Variants in HMCN2 observed in about 807,000 individuals in gnomAD.
HMCN2 encodes hemicentin 2, also known as hemicentin-2.
Under a neutral mutation model 377.5 loss-of-function variants are expected in HMCN2, and 325 were observed. That is an observed-to-expected ratio of 0.86 (90% CI 0.79 to 0.94). The LOEUF is 0.94. HMCN2 is among the 40% of genes least tolerant of loss of function. The probability of loss-of-function intolerance (pLI) is 0.00; values close to 1 mark genes in which losing one functional copy is unlikely to be tolerated. For missense variants in HMCN2, 4,543 were observed against 4,725.3 expected (o/e 0.96, Z 1.13); for synonymous variants, 2,007 against 2,046.8 (o/e 0.98, Z 0.53).
chr9:130,267,400 CAACA>C lies in HMCN2; in HGVS notation c.259+1281_259+1284del, dbSNP rs1247319928. ...CTCTGTCAAGGATAGCTTTATAAAG[CAACA>C]AACAAACAAACAAACAACCCCCCCA... On this transcript the variant is annotated intron_variant, in intron 1 of 97. Transcript: ENST00000683500. 8.1e-4 allele frequency among the ~76,000 whole-genome samples: 115 copies of C among 141,908 alleles called. 1 individual carries two copies. The highest frequency in any genetic ancestry group is 1.5e-3 in the Admixed American group (21 of 13,932). The allele number at this position is 141,908 out of a possible 152,430, so 93.1% of individuals were successfully genotyped here. A position where few individuals can be genotyped will look rare whatever the true frequency, so the allele number is the denominator to read the frequency against.
intron 4 of HMCN2, among the ~76,000 whole-genome samples, chr9:130,287,020 C>T (rs929152883): frequency 5.3e-5 from 8 of 152,292 alleles, no homozygotes; most frequent in South Asian, 4.2e-4. Flanking sequence ...TGATGAACAA[C>T]GCTCTCTCTG....
At chr9:130,266,865 G>A (rs1564730562) in intron 1 of HMCN2, among the ~76,000 whole-genome samples, 1 of 152,122 alleles carries the variant, frequency 6.6e-6, no homozygotes, top group Non-Finnish European at 1.5e-5. Flanking sequence ...GTCCCTGGGC[G>A]CTCCACTGTA....
chr9:130,293,769 A>G (rs1554930914), intron 4 of HMCN2, among the ~76,000 whole-genome samples: 1 of 152,184 alleles, frequency 6.6e-6, no homozygotes, highest in African/African-American at 2.4e-5. Flanking sequence ...CTCTGCCCCC[A>G]CAGAGATCCC....
chr9:130,428,284 C>T lies in HMCN2; in HGVS notation c.14066-74C>T. The T allele has an allele frequency of 2.1e-6, 3 of 1,453,432 alleles. No individual in the cohort carries two copies. The highest frequency in any genetic ancestry group is 2.7e-6 in the Non-Finnish European group (3 of 1,096,522). The allele number at this position is 1,453,432 out of a possible 1,614,324, so 90.0% of individuals were successfully genotyped here. A position where few individuals can be genotyped will look rare whatever the true frequency, so the allele number is the denominator to read the frequency against. ...TGCGGACGAAGCCTCTGTGGATAGGCCGGGCCAGGGTCAGGTGGCGAGGCA... is the reference window on the plus strand; with the variant it reads ...TGCGGACGAAGCCTCTGTGGATAGGTCGGGCCAGGGTCAGGTGGCGAGGCA... On this transcript the variant is annotated intron_variant, in intron 92 of 97. Transcript: ENST00000683500. The surrounding 1 kb of genome is among the most constrained non-coding windows in gnomAD (Gnocchi z 5.0).
chr9:130,393,092 G>T lies in HMCN2; in HGVS notation c.10137-120G>T, dbSNP rs1564848713. 3.7e-6 allele frequency: 2 copies of T among 547,824 alleles called. No homozygotes were observed. The highest frequency in any genetic ancestry group is 1.6e-4 in the South Asian group (2 of 12,514). 33.9% of individuals were successfully genotyped at this position (547,824 alleles called of 1,614,324 possible). ...GGCCAGCAAGCTCTTGGGAGACAAA[G>T]GTTGGAAAAGGGAGGAAGTCTTTCC... On this transcript the variant is annotated intron_variant, in intron 66 of 97. Coordinates refer to ENST00000683500, the MANE Select transcript of HMCN2 (RefSeq NM_001291815.2). This position sits in a 1 kb window ranked among gnomAD's most constrained non-coding sequence, Gnocchi z 5.2.
chr9:130,384,957 C>T lies in HMCN2; in HGVS notation c.9106+159C>T, dbSNP rs571380730. Among the ~76,000 whole-genome samples the T allele has an allele frequency of 1.4e-4, 21 of 152,196 alleles. No individual in the cohort carries two copies. The South Asian group carries it at 3.1e-3, about 23-fold the overall frequency. ...GCTCTGAGGAGGGGGAGCAGTGGGA[C>T]GGGCCCCAGGAGCCTGGCTGGGGAA... On this transcript the variant is annotated intron_variant, in intron 59 of 97. Coordinates refer to ENST00000683500, the MANE Select transcript of HMCN2 (RefSeq NM_001291815.2).
chr9:130,394,371 A>G lies in HMCN2; in HGVS notation c.10502-14A>G, dbSNP rs1268165372. 2 of 1,286,496 alleles carry G rather than the reference A, an allele frequency of 1.6e-6. No individual in the cohort carries two copies. The highest frequency in any genetic ancestry group is 2.0e-6 in the Non-Finnish European group (2 of 986,250). The allele number at this position is 1,286,496 out of a possible 1,614,324, so 79.7% of individuals were successfully genotyped here. ...GTGTGTCAATTGTGTGTTCCCCTCCATGGTGGCTTGCAGAGCCCCCTCACA... is the reference window on the plus strand; with the variant it reads ...GTGTGTCAATTGTGTGTTCCCCTCCGTGGTGGCTTGCAGAGCCCCCTCACA... On this transcript the variant is annotated splice_polypyrimidine_tract_variant and intron_variant, in intron 68 of 97. Coordinates refer to ENST00000683500, the MANE Select transcript of HMCN2 (RefSeq NM_001291815.2). The surrounding 1 kb of genome is among the most constrained non-coding windows in gnomAD (Gnocchi z 5.1).
In HMCN2 at chr9:130,405,174, T is replaced by A. The variant is rs2131730319; in HGVS notation, c.12339+115T>A. ...CCCTGGGAGCCTGGGGAAATCAGTGTCACCATCCCGGGTACAGACAGCCAG... is the reference window on the plus strand; with the variant it reads ...CCCTGGGAGCCTGGGGAAATCAGTGACACCATCCCGGGTACAGACAGCCAG... On this transcript the variant is annotated intron_variant, in intron 81 of 97. Transcript: ENST00000683500. 2.0e-5 allele frequency: 14 copies of A among 688,408 alleles called. No homozygotes were observed. In the South Asian group the frequency reaches 3.7e-4, roughly 18 times the overall value. The allele number at this position is 688,408 out of a possible 1,614,324, so 42.6% of individuals were successfully genotyped here.
intron 13 of HMCN2, among the ~76,000 whole-genome samples, 177 bp downstream of exon 13, chr9:130,307,115 C>T (rs1836913839): frequency 6.6e-6 from 1 of 152,158 alleles, no homozygotes; most frequent in South Asian, 2.1e-4. Flanking sequence ...CACACACAGG[C>T]CAATGGGATG....
intron 15 of HMCN2, among the ~76,000 whole-genome samples, chr9:130,310,546 T>C (rs1837188722): frequency 6.6e-6 from 1 of 152,096 alleles, no homozygotes; most frequent in African/African-American, 2.4e-5. Context: ...CCCTATTCTT[T>C]TGGTCCCACA....
At position 130,374,509 on chromosome 9, in the gene HMCN2, A is replaced by G. The variant is rs1841269541; in HGVS notation, c.7446A>G (p.Pro2482=). Reference sequence around the variant, plus strand: ...TCTCTGCTCTGCATACAGGCCACCCACAGCCCAAGCTCACATGGTTCAAAG... The same window carrying G: ...TCTCTGCTCTGCATACAGGCCACCCGCAGCCCAAGCTCACATGGTTCAAAG... The part of the protein sequence containing the change: ...AHLMCNVTGH[P]QPKLTWFKDG... The change falls in exon 49 of 98, where the codon CCA becomes CCG. Residue 2482 remains proline (P), a synonymous_variant. Transcript: ENST00000683500. The G allele has an allele frequency of 3.0e-6, 3 of 985,730 alleles. No homozygotes were observed. Among genetic ancestry groups the G allele is most frequent in the African/African-American group, 1.7e-5 (1 of 57,242 alleles). 61.1% of individuals were successfully genotyped at this position (985,730 alleles called of 1,614,324 possible). A position where few individuals can be genotyped will look rare whatever the true frequency, so the allele number is the denominator to read the frequency against.
In HMCN2 at chr9:130,360,600, C is replaced by T. The variant is rs1840325917; in HGVS notation, c.5946C>T (p.Val1982=). The T allele has an allele frequency of 7.8e-7, 1 of 1,287,322 alleles. No individual in the cohort carries two copies. Among genetic ancestry groups the T allele is most frequent in the Admixed American group, 2.4e-5 (1 of 41,200 alleles). 79.7% of individuals were successfully genotyped at this position (1,287,322 alleles called of 1,614,324 possible). A position where few individuals can be genotyped will look rare whatever the true frequency, so the allele number is the denominator to read the frequency against. ...CAGAGCTGCGGTATGGCCTACGGGT[C>T]AATGGTGAGCTTCCCTGGGCCTACA... ...GSTELRYGLR[V]NVPPRITLPP... is the part of the protein sequence containing the mutation. The change falls in exon 38 of 98, where the codon GTC becomes GTT. Residue 1982 remains valine (V), a synonymous_variant. Transcript: ENST00000683500. The surrounding 1 kb of genome is among the most constrained non-coding windows in gnomAD (Gnocchi z 4.7).
Position 130,424,994 on chromosome 9 carries a change from G to A in HMCN2, c.13520-15G>A, listed in dbSNP as rs1844243495. ...CTCCCGTGGTGACTCTGGGCTGGGT[G>A]GGGATGGTTTGCAGGGGAGCTGCTC... is the stretch of plus-strand genomic sequence containing the variant. On this transcript the variant is annotated splice_polypyrimidine_tract_variant and intron_variant, in intron 88 of 97. Transcript: ENST00000683500. 6.5e-7 allele frequency: 1 copy of A among 1,537,518 alleles called. No homozygotes were observed. Among genetic ancestry groups the A allele is most frequent in the Admixed American group, 2.0e-5 (1 of 50,132 alleles).
intron 54 of HMCN2, among the ~76,000 whole-genome samples, chr9:130,379,716 G>C (rs192520828): frequency 1.4e-4 from 22 of 152,354 alleles, no homozygotes; most frequent in African/African-American, 5.3e-4. Flanking sequence ...TAAATGATCG[G>C]CAGAAGCTGC....
intron 15 of HMCN2, among the ~76,000 whole-genome samples, chr9:130,310,588 G>A (rs1409127039): frequency 2.2e-5 from 2 of 92,370 alleles, no homozygotes; most frequent in Non-Finnish European, 5.5e-5. Context: ...TGTGGGAGGG[G>A]CTACCCAGGG....
intron 22 of HMCN2, among the ~76,000 whole-genome samples, chr9:130,330,815 C>T (rs1393560550): frequency 1.3e-5 from 2 of 152,214 alleles, no homozygotes; most frequent in Middle Eastern, 3.4e-3. Flanking sequence ...TTCTGGCCCA[C>T]GTCACTTGCT....
chr9:130,432,681 C>T, intron 97 of HMCN2, 126 bp downstream of exon 97: 2 of 1,054,044 alleles, frequency 1.9e-6, no homozygotes, highest in Non-Finnish European at 2.7e-6. Flanking sequence ...CGCACGGAGC[C>T]CTGGGGGCAG....
At position 130,364,694 on chromosome 9, in the gene HMCN2, TCTC is replaced by T; in HGVS notation, c.6233-17_6233-15del. 1.0e-6 allele frequency: 1 copy of T among 985,368 alleles called. No individual in the cohort carries two copies. Among genetic ancestry groups the T allele is most frequent in the African/African-American group, 1.7e-5 (1 of 57,340 alleles). 61.0% of individuals were successfully genotyped at this position (985,368 alleles called of 1,614,324 possible). A position where few individuals can be genotyped will look rare whatever the true frequency, so the allele number is the denominator to read the frequency against. On this transcript the variant is annotated splice_polypyrimidine_tract_variant and intron_variant, in intron 40 of 97. Transcript: ENST00000683500. ...CCACCCATGTGCCTGAGGGAGCCCT[TCTC>T]CTGCCCCCTCCTGCAGTGCCCCCGA... is the stretch of plus-strand genomic sequence containing the variant.
At chr9:130,290,382 G>A (rs1184451020) in intron 4 of HMCN2, among the ~76,000 whole-genome samples, 1 of 152,212 alleles carries the variant, frequency 6.6e-6, no homozygotes, top group Non-Finnish European at 1.5e-5. Context: ...CTGAATTGCC[G>A]AGCATCTTCC....
Sources: gnomAD v4.1 joint callset for allele counts (sites outside exome capture counted in the v4.1 genomes callset) on GRCh38, gnomAD v4.1.1 for gene constraint, Gnocchi (gnomAD v3.1) non-coding constraint, MANE v1.5 for transcripts, NCBI Gene and HGNC (gene_info 2026-07-23, HGNC 2026-07-21) for gene names.